The following NOS1 variants were observed in gnomAD, a reference collection of about 807,000 sequenced individuals.
The protein encoded by NOS1 is NOS type I.
Under a neutral mutation model 164.5 loss-of-function variants are expected in NOS1, and 51 were observed. The observed-to-expected ratio is 0.31, with a 90% CI of 0.25 to 0.39. NOS1 has a LOEUF of 0.39. Ranked by LOEUF, NOS1 falls within the 10% of genes least tolerant of loss-of-function variation. The probability of loss-of-function intolerance (pLI) is 1.00; values close to 1 mark genes in which losing one functional copy is unlikely to be tolerated. For missense variants in NOS1, 1,362 were observed against 1,885.6 expected, an observed-to-expected ratio of 0.72 and a Z score of 5.14; for synonymous variants, 719 against 745.8, an observed-to-expected ratio of 0.96 and a Z score of 0.59.
intron 3 of NOS1, among the ~76,000 whole-genome samples, chr12:117,299,681 CCTCTCTCT>C (rs10532868): frequency 1.4e-4 from 20 of 144,210 alleles, no homozygotes; most frequent in Admixed American, 1.2e-3. Flanking sequence ...GCTTACTCTG[CCTCTCTCT>C]CTCTCTCTCT....
rs765227990 is a variant in NOS1 at position 117,214,185 on chromosome 12, G to A, written c.*1124C>T. 2.4e-5 allele frequency: 24 copies of A among 985,190 alleles called. No individual in the cohort carries two copies. The highest frequency in any genetic ancestry group is 2.9e-5 in the Non-Finnish European group (24 of 829,920). 61.0% of individuals were successfully genotyped at this position (985,190 alleles called of 1,614,324 possible). ...TCCCCAAGGGTGAAGCAGCAAGCCC[G>A]CTTTGGGGGAATAAAAAAATAATAA... On this transcript the variant is annotated 3_prime_UTR_variant, in exon 29 of 29. Transcript: ENST00000317775.
chr12:117,228,907 G>C (rs902315432), intron 22 of NOS1, among the ~76,000 whole-genome samples: 1 of 151,990 alleles, frequency 6.6e-6, no homozygotes, highest in Non-Finnish European at 1.5e-5. Context: ...TCAGCCTCCC[G>C]AGTAGCTGGG....
chr12:117,254,195 C>T (rs911522439), intron 16 of NOS1, among the ~76,000 whole-genome samples: 1 of 152,176 alleles, frequency 6.6e-6, no homozygotes, highest in Non-Finnish European at 1.5e-5. Flanking sequence ...GCAACCTCTG[C>T]CTCCTGGGTT....
intron 25 of NOS1, 92 bp from the exon 26 acceptor site, chr12:117,222,955 C>T (rs542338243): frequency 5.6e-5 from 81 of 1,436,552 alleles, no homozygotes; most frequent in South Asian, 5.1e-4. Context: ...GAGACCTTAG[C>T]GTGTGCCATG....
chr12:117,261,125 C>T (rs2135980546), intron 13 of NOS1, among the ~76,000 whole-genome samples: 1 of 141,676 alleles, frequency 7.1e-6, no homozygotes, highest in East Asian at 2.1e-4. Flanking sequence ...GCCGAGATCG[C>T]ACCACTGGGC....
At chr12:117,279,658 G>A (rs1372874571) in intron 8 of NOS1, among the ~76,000 whole-genome samples, 1 of 152,222 alleles carries the variant, frequency 6.6e-6, no homozygotes, top group Non-Finnish European at 1.5e-5. Flanking sequence ...CGCTCAGCAA[G>A]GTTTCCAGAG....
At chr12:117,334,720 C>T (rs999377970) in intron 1 of NOS1, among the ~76,000 whole-genome samples, 1 of 152,144 alleles carries the variant, frequency 6.6e-6, no homozygotes, top group Non-Finnish European at 1.5e-5. Context: ...AATAACAATT[C>T]CACAACACTT....
At position 117,330,281 on chromosome 12, in the gene NOS1, C is replaced by G; in HGVS notation, c.725+64G>C. On this transcript the variant is annotated intron_variant, in intron 2 of 28. Transcript: ENST00000317775. The surrounding 1 kb of genome is among the most constrained non-coding windows in gnomAD (Gnocchi z 4.6). The stretch of plus-strand genomic sequence containing the variant: ...ATGAGGCTGAGTCTCAGTAGACGCA[C>G]ATGCACACACACAAGCATGCACACA... 5.3e-6 allele frequency: 8 copies of G among 1,521,576 alleles called. No individual in the cohort carries two copies. Among genetic ancestry groups the G allele is most frequent in the Non-Finnish European group, 7.1e-6 (8 of 1,134,624 alleles). The allele number at this position is 1,521,576 out of a possible 1,614,324, so 94.3% of individuals were successfully genotyped here. A position where few individuals can be genotyped will look rare whatever the true frequency, so the allele number is the denominator to read the frequency against.
At chr12:117,361,285 T>G (rs1240044701) in intron 1 of NOS1, among the ~76,000 whole-genome samples, 1 of 151,196 alleles carries the variant, frequency 6.6e-6, no homozygotes, top group East Asian at 2.0e-4. Context: ...GGGCGCCGGT[T>G]GCACCCACTC....
At chr12:117,279,784 G>C (rs971087510) in intron 8 of NOS1, among the ~76,000 whole-genome samples, 1 of 152,190 alleles carries the variant, frequency 6.6e-6, no homozygotes, top group African/African-American at 2.4e-5. Flanking sequence ...GAGCCTGGCT[G>C]CTTCTAAAAC....
rs1956531512 is a variant in NOS1 at position 117,211,753 on chromosome 12, G to A, written c.*3556C>T. 1.3e-5 allele frequency: 13 copies of A among 985,422 alleles called. No individual in the cohort carries two copies. Among genetic ancestry groups the A allele is most frequent in the Middle Eastern group, 5.2e-4 (1 of 1,916 alleles). The allele number at this position is 985,422 out of a possible 1,614,324, so 61.0% of individuals were successfully genotyped here. On this transcript the variant is annotated 3_prime_UTR_variant, in exon 29 of 29. Coordinates refer to ENST00000317775, the MANE Select transcript of NOS1 (RefSeq NM_000620.5). Reference sequence around the variant, plus strand: ...CAGAAATTTATGTCAGTTCCAAGACGGGTGTCTCTCTCCATCAGATTATAA... The same window carrying A: ...CAGAAATTTATGTCAGTTCCAAGACAGGTGTCTCTCTCCATCAGATTATAA...
At chr12:117,217,873 C>G (rs1043521995) in intron 28 of NOS1, among the ~76,000 whole-genome samples, 173 bp downstream of exon 28, 2 of 152,204 alleles carry the variant, frequency 1.3e-5, no homozygotes, top group Non-Finnish European at 2.9e-5. Context: ...TCCTGAGTTT[C>G]AGATCCAGCA....
Position 117,212,230 on chromosome 12 carries a change from C to T in NOS1, c.*3079G>A, listed in dbSNP as rs1312403418. The T allele has an allele frequency of 2.0e-6, 2 of 985,334 alleles. No individual in the cohort carries two copies. Among genetic ancestry groups the T allele is most frequent in the East Asian group, 1.1e-4 (1 of 8,810 alleles). The allele number at this position is 985,334 out of a possible 1,614,324, so 61.0% of individuals were successfully genotyped here. A position where few individuals can be genotyped will look rare whatever the true frequency, so the allele number is the denominator to read the frequency against. On this transcript the variant is annotated 3_prime_UTR_variant, in exon 29 of 29. Coordinates refer to ENST00000317775, the MANE Select transcript of NOS1 (RefSeq NM_000620.5). ...AACCAGGTACTGTAACTGGGCATTT[C>T]GTGGGCATTGTCTCATTCAATCCAC... is the stretch of plus-strand genomic sequence containing the variant.
intron 2 of NOS1, among the ~76,000 whole-genome samples, chr12:117,313,832 T>C (rs937594499): frequency 1.3e-5 from 2 of 152,172 alleles, no homozygotes; most frequent in African/African-American, 4.8e-5. Flanking sequence ...GGCTCCCCTA[T>C]CCAATTTGAC....
chr12:117,251,733 G>A (rs1422788029), intron 17 of NOS1, among the ~76,000 whole-genome samples: 1 of 151,298 alleles, frequency 6.6e-6, no homozygotes, highest in East Asian at 1.9e-4. Context: ...GCCTGGTCTT[G>A]GCAAACTTTT....
In NOS1 at chr12:117,290,441, G is replaced by T. The variant is rs1288462618; in HGVS notation, c.853-15C>A. On this transcript the variant is annotated splice_polypyrimidine_tract_variant and intron_variant, in intron 3 of 28. Transcript: ENST00000317775. ...GAGGTGGGGGGCTGCAGGAGAGAAT[G>T]AAGGTGGAAGATGAGGCAGGGCCTT... The T allele has an allele frequency of 6.2e-7, 1 of 1,605,332 alleles. No homozygotes were observed. The highest frequency in any genetic ancestry group is 8.5e-7 in the Non-Finnish European group (1 of 1,175,362).
intron 2 of NOS1, among the ~76,000 whole-genome samples, chr12:117,321,506 G>A (rs1874919808): frequency 6.6e-6 from 1 of 152,114 alleles, no homozygotes; most frequent in Non-Finnish European, 1.5e-5. Flanking sequence ...CTCTTCCTCA[G>A]AATAAAGGGC....
intron 3 of NOS1, among the ~76,000 whole-genome samples, chr12:117,303,909 A>C (rs1272351568): frequency 6.6e-6 from 1 of 152,216 alleles, no homozygotes; most frequent in East Asian, 1.9e-4. Context: ...ACATGTGTTC[A>C]CGCCTGTAAT....
chr12:117,349,349 T>C (rs1337901990), intron 1 of NOS1, among the ~76,000 whole-genome samples: 1 of 152,256 alleles, frequency 6.6e-6, no homozygotes, highest in Non-Finnish European at 1.5e-5. Context: ...GATAAGCCAC[T>C]TTTAGTTTAT....
Sources: gnomAD v4.1 joint callset for allele counts (sites outside exome capture counted in the v4.1 genomes callset) on GRCh38, gnomAD v4.1.1 for gene constraint, Gnocchi (gnomAD v3.1) non-coding constraint, MANE v1.5 for transcripts, NCBI Gene and HGNC (gene_info 2026-07-23, HGNC 2026-07-21) for gene names.